The following GREB1 variants were observed in gnomAD, a reference collection of about 807,000 sequenced individuals.
GREB1 encodes growth regulating estrogen receptor binding 1.
Under a neutral mutation model 200.7 loss-of-function variants are expected in GREB1, and 106 were observed. The ratio of observed to expected loss-of-function variants is 0.53; its 90% CI spans 0.45 to 0.62. GREB1 has a LOEUF of 0.62. GREB1 is among the 20% of genes least tolerant of loss of function. GREB1 has a pLI of 0.00. For synonymous variants in GREB1, 1,132 were observed against 1,092.4 expected (o/e 1.04, Z -0.72); for missense variants, 2,243 against 2,556.8 (o/e 0.88, Z 2.65).
At chr2:11,520,380 C>G (rs545471318) in intron 1 of GREB1, among the ~76,000 whole-genome samples, 1 of 152,342 alleles carries the variant, frequency 6.6e-6, no homozygotes, top group East Asian at 1.9e-4. Context: ...GGGCTAGATT[C>G]ATGATGTCAG....
chr2:11,519,768 T>G (rs767769488), intron 1 of GREB1, among the ~76,000 whole-genome samples: 2 of 152,144 alleles, frequency 1.3e-5, no homozygotes, highest in African/African-American at 2.4e-5. Flanking sequence ...ATTACTTGCT[T>G]AATTATTTAG....
intron 1 of GREB1, among the ~76,000 whole-genome samples, chr2:11,504,167 G>A (rs1673118545): frequency 6.6e-6 from 1 of 152,166 alleles, no homozygotes; most frequent in Admixed American, 6.5e-5. Context: ...AGTGACTAGT[G>A]GTCATGGGTG....
At chr2:11,540,679 C>A (rs1371852272) in intron 1 of GREB1, 1 of 154,420 alleles carries the variant, frequency 6.5e-6, no homozygotes, top group African/African-American at 2.4e-5. Context: ...TTTCTCCCTT[C>A]AGTAACACCT....
intron 4 of GREB1, among the ~76,000 whole-genome samples, chr2:11,573,224 A>G (rs1040631423): frequency 6.6e-6 from 1 of 152,196 alleles, no homozygotes; most frequent in Non-Finnish European, 1.5e-5. Context: ...GCCAGCACAC[A>G]TAGCCGCCCA....
upstream of GREB1, among the ~76,000 whole-genome samples, chr2:11,529,849 A>G (rs1160133216): frequency 1.3e-5 from 2 of 152,230 alleles, no homozygotes. Context: ...TTCATACAGC[A>G]TGAGCCCATT....
upstream of GREB1, among the ~76,000 whole-genome samples, chr2:11,532,215 G>A (rs1674098541): frequency 6.6e-6 from 1 of 152,158 alleles, no homozygotes; most frequent in Admixed American, 6.5e-5. Context: ...GCGTATAGGA[G>A]CCCTTCATCA....
Position 11,597,842 on chromosome 2 carries a change from C to T in GREB1, c.2016C>T (p.Leu672=), listed in dbSNP as rs1366397770. ...AGCTGGCAGTAGCGCAGAAGCTCCTCTCCCATGTGTGTTCCATTGCGGATT... is the reference window on the plus strand; with the variant it reads ...AGCTGGCAGTAGCGCAGAAGCTCCTTTCCCATGTGTGTTCCATTGCGGATT... ...PFQLAVAQKL[L]SHVCSIADSS... The change falls in exon 14 of 33, where the codon CTC becomes CTT. Residue 672 remains leucine, a synonymous_variant. Transcript: ENST00000381486. This position sits in a 1 kb window ranked among gnomAD's most constrained non-coding sequence, Gnocchi z 4.1. The T allele has an allele frequency of 1.2e-6, 2 of 1,614,224 alleles. No homozygotes were observed. Among genetic ancestry groups the T allele is most frequent in the African/African-American group, 2.7e-5 (2 of 75,068 alleles).
In GREB1 at chr2:11,595,276, C is replaced by T. The variant is rs748089523; in HGVS notation, c.1722C>T (p.Ser574=). 23 of 1,613,472 alleles carry T rather than the reference C, an allele frequency of 1.4e-5. No homozygotes were observed. Among genetic ancestry groups the T allele is most frequent in the Admixed American group, 6.7e-5 (4 of 59,986 alleles). Residue 574 remains serine (S), a synonymous_variant, in exon 12 of 33, where the codon TCC becomes TCT. Transcript: ENST00000381486. Reference sequence around the variant, plus strand: ...GAAAATACCAAGCCCGGATTCTTTCCGAGAGCCTTCTCACTCCTGCGGAGT... The same window carrying T: ...GAAAATACCAAGCCCGGATTCTTTCTGAGAGCCTTCTCACTCCTGCGGAGT... ...VTGKYQARIL[S]ESLLTPAEYQ...
intron 30 of GREB1, among the ~76,000 whole-genome samples, chr2:11,635,968 C>G (rs1685284882): frequency 6.6e-6 from 1 of 152,244 alleles, no homozygotes; most frequent in Non-Finnish European, 1.5e-5. Flanking sequence ...GCCAGAGCCC[C>G]TTTCTCTGTC....
At chr2:11,620,881 G>T in intron 22 of GREB1, 24 bp from the exon 23 acceptor site, 2 of 1,465,372 alleles carry the variant, frequency 1.4e-6, no homozygotes, top group South Asian at 1.1e-5. Context: ...CTCACTGGGG[G>T]TTTTAACTCC....
intron 1 of GREB1, among the ~76,000 whole-genome samples, chr2:11,518,726 A>G (rs1484512573): frequency 4.0e-5 from 6 of 151,014 alleles, no homozygotes; most frequent in African/African-American, 1.5e-4. Flanking sequence ...AGAGCAGTAG[A>G]TAGGGCAGTA....
chr2:11,569,800 C>A (rs1427011615), intron 4 of GREB1, among the ~76,000 whole-genome samples: 1 of 152,158 alleles, frequency 6.6e-6, no homozygotes, highest in Non-Finnish European at 1.5e-5. Context: ...AGCAGAGGGA[C>A]CTCCCTGTAC....
At chr2:11,491,799 G>A (rs1250338728) in intron 1 of GREB1, among the ~76,000 whole-genome samples, 3 of 152,186 alleles carry the variant, frequency 2.0e-5, no homozygotes, top group African/African-American at 7.2e-5. Context: ...CCAGCAGCCA[G>A]TTTTCTTCAG....
chr2:11,576,385 A>G lies in GREB1; in HGVS notation c.487A>G (p.Lys163Glu), dbSNP rs186916137. The G allele has an allele frequency of 6.2e-7, 1 of 1,614,000 alleles. No individual in the cohort carries two copies. The highest frequency in any genetic ancestry group is 8.5e-7 in the Non-Finnish European group (1 of 1,179,910). ...TGGGAATTGTGTTGGCTGTGGAAAG[A>G]AAGGCTTCTGTTACTTCACGGAATT... ...FSGNCVGCGK[K>E]GFCYFTEFSN... Residue 163 changes from lysine (K) to glutamate (E), a missense_variant, in exon 5 of 33, where the codon AAA (lysine) becomes GAA (glutamate). Physicochemically the swap from Lys to Glu is moderately conservative, Grantham distance 56. Around this residue, in one of 3 missense-constraint regions of GREB1, gnomAD observed 1,178 missense variants for 1,387.4 expected, o/e 0.85. Transcript: ENST00000381486.
At chr2:11,529,574 G>A (rs529846548), upstream of GREB1, among the ~76,000 whole-genome samples, 3 of 152,292 alleles carry the variant, frequency 2.0e-5, no homozygotes, top group East Asian at 3.9e-4. Flanking sequence ...GAGCCCCCTG[G>A]AGTTCCCTGG....
intron 1 of GREB1, among the ~76,000 whole-genome samples, chr2:11,547,998 C>T (rs1224863611): frequency 6.6e-6 from 1 of 152,012 alleles, no homozygotes; most frequent in African/African-American, 2.4e-5. Context: ...CCTGGGCAAC[C>T]TAGCAAGACC....
At chr2:11,636,919 G>C (rs1685397582) in intron 30 of GREB1, among the ~76,000 whole-genome samples, 4 of 149,424 alleles carry the variant, frequency 2.7e-5, no homozygotes, top group Non-Finnish European at 4.5e-5. Flanking sequence ...TAGAGGCAGG[G>C]GCAGGGACAG....
At chr2:11,576,627 G>C in intron 5 of GREB1, 92 bp downstream of exon 5, 10 of 917,968 alleles carry the variant, frequency 1.1e-5, no homozygotes, top group Non-Finnish European at 1.5e-5. Context: ...AGAGGCCCCT[G>C]CATAGCAGCA....
intron 29 of GREB1, 150 bp from the exon 30 acceptor site, chr2:11,635,120 C>CT: frequency 2.4e-6 from 2 of 835,304 alleles, no homozygotes; most frequent in Admixed American, 5.4e-5. Flanking sequence ...CATATTTCCC[C>CT]TAGAGTAAGG....
Sources: gnomAD v4.1 joint callset for allele counts (sites outside exome capture counted in the v4.1 genomes callset) on GRCh38, gnomAD v4.1.1 for gene constraint, gnomAD v4.1.1 regional missense constraint, Gnocchi (gnomAD v3.1) non-coding constraint, MANE v1.5 for transcripts, NCBI Gene and HGNC (gene_info 2026-07-23, HGNC 2026-07-21) for gene names.